LPCAT1: variants seen among roughly 807,000 people sequenced by gnomAD.
LPCAT1 encodes the protein lysophosphatidylcholine acyltransferase 1.
A neutral mutation model predicts 60.9 loss-of-function variants in LPCAT1; 23 were observed. The ratio of observed to expected loss-of-function variants is 0.38; its 90% CI spans 0.27 to 0.53. The LOEUF is 0.53. Among genes scored for constraint, LPCAT1 ranks in the 20% least tolerant of loss-of-function variants. The probability of loss-of-function intolerance (pLI) is 0.82; values close to 1 mark genes in which losing one functional copy is unlikely to be tolerated. For missense variants in LPCAT1, 622 were observed against 723.6 expected, an observed-to-expected ratio of 0.86 and a Z score of 1.61; for synonymous variants, 340 against 301.1, an observed-to-expected ratio of 1.13 and a Z score of -1.34.
intron 1 of LPCAT1, among the ~76,000 whole-genome samples, chr5:1,507,764 T>C (rs1422440276): frequency 2.0e-5 from 3 of 152,234 alleles, no homozygotes; most frequent in Non-Finnish European, 4.4e-5. Context: ...CAACAGCCAA[T>C]GCCGAGCCTG....
intron 9 of LPCAT1, among the ~76,000 whole-genome samples, chr5:1,475,069 C>A (rs1734847316): frequency 6.6e-6 from 1 of 152,216 alleles, no homozygotes; most frequent in Non-Finnish European, 1.5e-5. Context: ...TGCTAATAGG[C>A]TTGCTCAACA....
At chr5:1,492,475 A>G (rs1263531633) in intron 3 of LPCAT1, among the ~76,000 whole-genome samples, 1 of 152,240 alleles carries the variant, frequency 6.6e-6, no homozygotes, top group African/African-American at 2.4e-5. Context: ...TGGCCCTTTC[A>G]GGCCAGGACA....
At position 1,470,874 on chromosome 5, in the gene LPCAT1, G is replaced by A. The variant is rs1734641300; in HGVS notation, c.1230C>T (p.Val410=). 17 of 1,613,424 alleles carry A rather than the reference G, an allele frequency of 1.1e-5. No individual in the cohort carries two copies. The highest frequency in any genetic ancestry group is 2.2e-5 in the South Asian group (2 of 91,076). Residue 410 remains valine, a synonymous_variant, in exon 12 of 14, where the codon GTC becomes GTT. Coordinates refer to ENST00000283415, the MANE Select transcript of LPCAT1 (RefSeq NM_024830.5). ...CCAGGGTCCGGGCCGGCCGGCAGACGACAGACAGGGCAACCACACACTCTC... is the reference window on the plus strand; with the variant it reads ...CCAGGGTCCGGGCCGGCCGGCAGACAACAGACAGGGCAACCACACACTCTC... ...DLRECVVALS[V]VCRPARTLDT... is the part of the protein sequence containing the mutation.
rs1025502322 is a variant in LPCAT1 at position 1,463,319 on chromosome 5, A to T, written c.*332T>A. The T allele has an allele frequency of 1.1e-5, 3 of 273,010 alleles. No individual in the cohort carries two copies. Among genetic ancestry groups the T allele is most frequent in the Non-Finnish European group, 2.1e-5 (3 of 144,102 alleles). The allele number at this position is 273,010 out of a possible 1,614,324, so 16.9% of individuals were successfully genotyped here. On this transcript the variant is annotated 3_prime_UTR_variant, in exon 14 of 14. Coordinates refer to ENST00000283415, the MANE Select transcript of LPCAT1 (RefSeq NM_024830.5). ...GCCCGGTGCACGCTGCCGCCGGAAG[A>T]GGCTGTGACAGAGACTCGAAACCAG...
At chr5:1,492,444 A>G (rs9800090) in intron 3 of LPCAT1, among the ~76,000 whole-genome samples, 78,046 of 152,068 alleles carry the variant, frequency 0.51, 21,193 homozygotes, top group African/African-American at 0.7. Context: ...TAGAGGAGTC[A>G]TCAGCCACGC....
Position 1,481,166 on chromosome 5 carries a change from C to A in LPCAT1, c.727-190G>T, listed in dbSNP as rs143573719. On this transcript the variant is annotated intron_variant, in intron 6 of 13. Transcript: ENST00000283415. This position sits in a 1 kb window ranked among gnomAD's most constrained non-coding sequence, Gnocchi z 7.8. ...GGATCCAGGACTCGGACCAGCCCCC[C>A]AGCCTGAGGTCCCCAGAGCCTCTAA... Among the ~76,000 whole-genome samples, 1 of 152,156 alleles carries A rather than the reference C, an allele frequency of 6.6e-6. No homozygotes were observed.
At chr5:1,519,633 C>T (rs964618329) in intron 1 of LPCAT1, among the ~76,000 whole-genome samples, 7 of 152,206 alleles carry the variant, frequency 4.6e-5, no homozygotes, top group South Asian at 2.1e-4. Flanking sequence ...GCCTGGGAGA[C>T]GGCACAGCAG....
rs1735111098 is a variant in LPCAT1 at position 1,480,879 on chromosome 5, C to A, written c.761+63G>T. ...AGTAACTAGCGTGCACAGCAGACCC[C>A]AAGCAGCCCCTACGTGTTCATGGAA... On this transcript the variant is annotated intron_variant, in intron 7 of 13. Coordinates refer to ENST00000283415, the MANE Select transcript of LPCAT1 (RefSeq NM_024830.5). This position sits in a 1 kb window ranked among gnomAD's most constrained non-coding sequence, Gnocchi z 6.4. 1.3e-6 allele frequency: 2 copies of A among 1,595,256 alleles called. No homozygotes were observed. The highest frequency in any genetic ancestry group is 4.5e-5 in the East Asian group (2 of 44,798).
rs1031351017 is a variant in LPCAT1, at chr5:1,462,700, C to G, written c.*951G>C. On this transcript the variant is annotated 3_prime_UTR_variant, in exon 14 of 14. Coordinates refer to ENST00000283415, the MANE Select transcript of LPCAT1 (RefSeq NM_024830.5). ...ACCTGGCCTGAGGGCAAGGGAGGAG[C>G]GGCACGGCGGCGGCTGCCTTGCGCT... 1 of 152,238 alleles carries G rather than the reference C, an allele frequency of 6.6e-6. No homozygotes were observed. The highest frequency in any genetic ancestry group is 1.5e-5 in the Non-Finnish European group (1 of 68,060). 9.4% of individuals were successfully genotyped at this position (152,238 alleles called of 1,614,324 possible).
chr5:1,489,844 T>A lies in LPCAT1; in HGVS notation c.508A>T (p.Ile170Leu), dbSNP rs1579785587. Residue 170 changes from isoleucine (I) to leucine (L), a missense_variant, in exon 4 of 14, where the codon ATA (isoleucine) becomes TTA (leucine). Around this residue, in one of 3 missense-constraint regions of LPCAT1, gnomAD observed 209 missense variants for 325.5 expected, o/e 0.64. Coordinates refer to ENST00000283415, the MANE Select transcript of LPCAT1 (RefSeq NM_024830.5). ...GACCGGGACACGAACACAGGCCGTA[T>A]ATACTGGATCAGAGCTGGAAGAGAG... is the stretch of plus-strand genomic sequence containing the variant. ...IPIWGTLIQYIRPVFVSRSDQ... is the reference protein window; with the variant it reads ...IPIWGTLIQYLRPVFVSRSDQ... The A allele has an allele frequency of 6.2e-7, 1 of 1,612,242 alleles. No homozygotes were observed. The highest frequency in any genetic ancestry group is 1.1e-5 in the South Asian group (1 of 91,042).
At position 1,463,402 on chromosome 5, in the gene LPCAT1, C is replaced by A; in HGVS notation, c.*249G>T. The A allele has an allele frequency of 2.0e-6, 1 of 500,064 alleles. No homozygotes were observed. The highest frequency in any genetic ancestry group is 3.5e-6 in the Non-Finnish European group (1 of 284,662). The allele number at this position is 500,064 out of a possible 1,614,324, so 31.0% of individuals were successfully genotyped here. A position where few individuals can be genotyped will look rare whatever the true frequency, so the allele number is the denominator to read the frequency against. The stretch of plus-strand genomic sequence containing the variant: ...GCCCCCCGCCCGGCAGGGAACCTGA[C>A]CCCACGGGGTCCAGGCCAGGCGGGG... On this transcript the variant is annotated 3_prime_UTR_variant, in exon 14 of 14. Coordinates refer to ENST00000283415, the MANE Select transcript of LPCAT1 (RefSeq NM_024830.5).
Position 1,501,529 on chromosome 5 carries a change from G to A in LPCAT1, c.210C>T (p.Pro70=). Reference sequence around the variant, plus strand: ...AGCCCAGGGATGCGACAAGTGCGAGGGGCCAGGCCAGCAGCATCATGGCAG... The same window carrying A: ...AGCCCAGGGATGCGACAAGTGCGAGAGGCCAGGCCAGCAGCATCATGGCAG... ...VAAAMMLLAW[P]LALVASLGSA... Residue 70 remains proline, a synonymous_variant, in exon 2 of 14, where the codon CCC becomes CCT. Coordinates refer to ENST00000283415, the MANE Select transcript of LPCAT1 (RefSeq NM_024830.5). 1 of 1,614,006 alleles carries A rather than the reference G, an allele frequency of 6.2e-7. No homozygotes were observed. Among genetic ancestry groups the A allele is most frequent in the Non-Finnish European group, 8.5e-7 (1 of 1,179,954 alleles).
rs1037028181 is a variant in LPCAT1, at chr5:1,461,564, C to T, written c.*2087G>A. On this transcript the variant is annotated 3_prime_UTR_variant, in exon 14 of 14. Coordinates refer to ENST00000283415, the MANE Select transcript of LPCAT1 (RefSeq NM_024830.5). The stretch of plus-strand genomic sequence containing the variant: ...TGCCCCACCTGCCCACGGGTCTGGC[C>T]CCCAGGCCACCAGGGGCCCGCTGCG... The T allele has an allele frequency of 1.3e-5, 2 of 152,812 alleles. No homozygotes were observed. Among genetic ancestry groups the T allele is most frequent in the Admixed American group, 1.3e-4 (2 of 15,308 alleles). 9.5% of individuals were successfully genotyped at this position (152,812 alleles called of 1,614,324 possible).
rs976694386 is a variant in LPCAT1 at position 1,522,124 on chromosome 5, A to G, written c.135+1586T>C. On this transcript the variant is annotated intron_variant, in intron 1 of 13. Transcript: ENST00000283415. This position sits in a 1 kb window ranked among gnomAD's most constrained non-coding sequence, Gnocchi z 6.8. Reference sequence around the variant, plus strand: ...AGCTGGGGCAGGAGCAGGGCTGGGGAAGCCCTGGAAACCACAGCAGGGGTT... The same window carrying G: ...AGCTGGGGCAGGAGCAGGGCTGGGGGAGCCCTGGAAACCACAGCAGGGGTT... 4.6e-5 allele frequency among the ~76,000 whole-genome samples: 7 copies of G among 152,126 alleles called. No homozygotes were observed. Among genetic ancestry groups the G allele is most frequent in the Admixed American group, 4.6e-4 (7 of 15,278 alleles).
intron 2 of LPCAT1, among the ~76,000 whole-genome samples, chr5:1,499,621 T>A (rs767291080): frequency 1.3e-5 from 2 of 152,196 alleles, no homozygotes; most frequent in African/African-American, 2.4e-5. Context: ...CCCGTGATGA[T>A]CCTGTTGCCC....
chr5:1,467,130 G>A (rs2927669), intron 12 of LPCAT1: 285,235 of 393,550 alleles, frequency 0.72, 103,783 homozygotes, highest in South Asian at 0.84. Context: ...TCGGGCAAGG[G>A]CTCAGACGCT....
intron 11 of LPCAT1, 26 bp downstream of exon 11, chr5:1,473,931 C>G (rs373137840): frequency 1.3e-6 from 2 of 1,599,016 alleles, no homozygotes; most frequent in Non-Finnish European, 1.7e-6. Context: ...TTGCCGACAC[C>G]CCGCTCCGCA....
chr5:1,501,514 T>C lies in LPCAT1; in HGVS notation c.225A>G (p.Ala75=). The change falls in exon 2 of 14, where the codon GCA becomes GCG. Residue 75 remains alanine, a synonymous_variant. Coordinates refer to ENST00000283415, the MANE Select transcript of LPCAT1 (RefSeq NM_024830.5). ...GTTCCTTCTCCGCAGAGCCCAGGGA[T>C]GCGACAAGTGCGAGGGGCCAGGCCA... ...MLLAWPLALV[A]SLGSAEKEPE... is the part of the protein sequence containing the mutation. 6.2e-7 allele frequency: 1 copy of C among 1,613,828 alleles called. No individual in the cohort carries two copies. The highest frequency in any genetic ancestry group is 8.5e-7 in the Non-Finnish European group (1 of 1,179,886).
At chr5:1,478,224 T>C (rs1008134774) in intron 8 of LPCAT1, among the ~76,000 whole-genome samples, 2 of 152,376 alleles carry the variant, frequency 1.3e-5, no homozygotes, top group South Asian at 2.1e-4. Context: ...ATGACCCACA[T>C]TGCACACCGT....
Sources: gnomAD v4.1 joint callset for allele counts (sites outside exome capture counted in the v4.1 genomes callset) on GRCh38, gnomAD v4.1.1 for gene constraint, gnomAD v4.1.1 regional missense constraint, Gnocchi (gnomAD v3.1) non-coding constraint, MANE v1.5 for transcripts, NCBI Gene and HGNC (gene_info 2026-07-23, HGNC 2026-07-21) for gene names.